ZNF385D: variants seen among roughly 807,000 people sequenced by gnomAD.
The protein encoded by ZNF385D is zinc finger protein 659.
A neutral mutation model predicts 35.8 loss-of-function variants in ZNF385D; 15 were observed. That is an observed-to-expected ratio of 0.42 (90% CI 0.28 to 0.64). The LOEUF (loss-of-function observed/expected upper bound fraction) is 0.64, where lower values mean the gene tolerates loss of function less well. Among genes scored for constraint, ZNF385D ranks in the 30% least tolerant of loss-of-function variants. The pLI is 0.23. For missense variants in ZNF385D, 474 were observed against 494.6 expected, an observed-to-expected ratio of 0.96 and a Z score of 0.39; for synonymous variants, 212 against 186.8, an observed-to-expected ratio of 1.13 and a Z score of -1.10.
At chr3:21,754,473 A>G (rs1474870791), upstream of ZNF385D, among the ~76,000 whole-genome samples, 1 of 152,154 alleles carries the variant, frequency 6.6e-6, no homozygotes, top group Middle Eastern at 3.2e-3. Flanking sequence ...ATGCCTTCAA[A>G]CCACTTACAT....
rs1224408266 is a variant in ZNF385D at position 21,908,152 on chromosome 3, AT to A, written c.326-243125del. Among the ~76,000 whole-genome samples, 509 of 150,328 alleles carry A rather than the reference AT, an allele frequency of 3.4e-3. 4 individuals are homozygous for A. Among genetic ancestry groups the A allele is most frequent in the African/African-American group, 8.8e-3 (353 of 40,342 alleles). On this transcript the variant is annotated intron_variant, in intron 3 of 5. Transcript: ENST00000494108. ...TATCTATCTATCTATCTATCTATCTATCTATCTATCTATCTATCTATATATG... is the reference window on the plus strand; with the variant it reads ...TATCTATCTATCTATCTATCTATCTACTATCTATCTATCTATCTATATATG...
chr3:22,329,382 G>C (rs905248196), intron 2 of ZNF385D, among the ~76,000 whole-genome samples: 15 of 152,118 alleles, frequency 9.9e-5, no homozygotes, highest in Non-Finnish European at 8.8e-5. Flanking sequence ...ATCTACATCA[G>C]TTCAAGTGTT....
At chr3:21,495,292 C>T (rs1705746028) in intron 4 of ZNF385D, among the ~76,000 whole-genome samples, 1 of 151,240 alleles carries the variant, frequency 6.6e-6, no homozygotes, top group African/African-American at 2.4e-5. Context: ...TGTTTTCTTT[C>T]TAGCTTTACC....
At chr3:21,630,788 T>C (rs546502859) in intron 2 of ZNF385D, among the ~76,000 whole-genome samples, 69 of 152,268 alleles carry the variant, frequency 4.5e-4, no homozygotes, top group Non-Finnish European at 9.0e-4. Context: ...CTAATATCTA[T>C]TGAGCACACA....
At chr3:22,168,358 T>C (rs1180310074) in intron 3 of ZNF385D, 1 of 152,204 alleles carries the variant, frequency 6.6e-6, no homozygotes, top group Non-Finnish European at 1.5e-5. Context: ...AACTCAAAAG[T>C]CTGTACTAAC....
chr3:22,215,927 T>C (rs993174641), intron 2 of ZNF385D, among the ~76,000 whole-genome samples: 3 of 152,044 alleles, frequency 2.0e-5, no homozygotes, highest in African/African-American at 4.8e-5. Flanking sequence ...TTAAGGAATA[T>C]AGAAAAGAAC....
intron 3 of ZNF385D, among the ~76,000 whole-genome samples, chr3:22,063,749 A>C (rs956666811): frequency 1.3e-5 from 2 of 151,900 alleles, no homozygotes; most frequent in Non-Finnish European, 2.9e-5. Context: ...CCAAAGTCAC[A>C]CCCTCTTCCC....
intron 2 of ZNF385D, among the ~76,000 whole-genome samples, chr3:22,194,248 A>G (rs899109380): frequency 2.0e-5 from 3 of 151,880 alleles, no homozygotes; most frequent in African/African-American, 7.2e-5. Flanking sequence ...TTAAAGTATT[A>G]ATTTTGTCAT....
At chr3:21,764,759 A>G (rs2070755703) in intron 3 of ZNF385D, among the ~76,000 whole-genome samples, 1 of 152,152 alleles carries the variant, frequency 6.6e-6, no homozygotes, top group African/African-American at 2.4e-5. Flanking sequence ...ACTGAATTCT[A>G]TGTCACACAC....
intron 3 of ZNF385D, among the ~76,000 whole-genome samples, chr3:21,930,666 C>G (rs1185637192): frequency 6.6e-6 from 1 of 152,076 alleles, no homozygotes; most frequent in Admixed American, 6.5e-5. Context: ...AGAAATTAAT[C>G]CTTACACATG....
chr3:21,824,392 A>G (rs1694464525), intron 3 of ZNF385D, among the ~76,000 whole-genome samples: 1 of 152,196 alleles, frequency 6.6e-6, no homozygotes, highest in Admixed American at 6.5e-5. Flanking sequence ...ATACCTATAA[A>G]ATCACTTCTA....
chr3:22,163,659 A>G (rs1706117665), intron 3 of ZNF385D, among the ~76,000 whole-genome samples: 1 of 152,176 alleles, frequency 6.6e-6, no homozygotes, highest in Non-Finnish European at 1.5e-5. Context: ...AATTAATCCC[A>G]TATGCATTAT....
chr3:21,636,506 C>T (rs2065455391), intron 2 of ZNF385D, among the ~76,000 whole-genome samples: 1 of 149,746 alleles, frequency 6.7e-6, no homozygotes, highest in African/African-American at 2.5e-5. Flanking sequence ...CAGTCCGAAT[C>T]CCAAAGCTGA....
At chr3:22,370,652 T>A (rs1421569493) in intron 2 of ZNF385D, among the ~76,000 whole-genome samples, 1 of 152,174 alleles carries the variant, frequency 6.6e-6, no homozygotes, top group East Asian at 1.9e-4. Flanking sequence ...AGTTCTGCAA[T>A]CTTGGATTAC....
chr3:22,251,536 C>A (rs1379905329), intron 2 of ZNF385D, among the ~76,000 whole-genome samples: 1 of 152,088 alleles, frequency 6.6e-6, no homozygotes, highest in Non-Finnish European at 1.5e-5. Context: ...CAGGATTTCT[C>A]AGCTTCAGCA....
chr3:21,645,017 A>G (rs1559485004), intron 2 of ZNF385D, among the ~76,000 whole-genome samples: 1 of 152,220 alleles, frequency 6.6e-6, no homozygotes, highest in Non-Finnish European at 1.5e-5. Flanking sequence ...TCCCATGTCT[A>G]CAAACAGGAA....
At chr3:21,953,112 A>T (rs1439913099) in intron 3 of ZNF385D, among the ~76,000 whole-genome samples, 2 of 151,946 alleles carry the variant, frequency 1.3e-5, no homozygotes, top group African/African-American at 4.8e-5. Flanking sequence ...CTACAGTATT[A>T]TCTTCTCTGC....
At chr3:21,806,649 G>A (rs1343901951) in intron 3 of ZNF385D, among the ~76,000 whole-genome samples, 2 of 152,116 alleles carry the variant, frequency 1.3e-5, no homozygotes, top group East Asian at 3.8e-4. Flanking sequence ...GGGAGATTTT[G>A]TTGCCAGTAC....
At chr3:21,815,358 G>A (rs1029462805) in intron 3 of ZNF385D, among the ~76,000 whole-genome samples, 1 of 152,110 alleles carries the variant, frequency 6.6e-6, no homozygotes, top group Admixed American at 6.5e-5. Flanking sequence ...AGGAGATAGA[G>A]ACACAAAATA....
Sources: allele counts gnomAD v4.1 joint callset (sites outside exome capture counted in the v4.1 genomes callset), GRCh38; gene constraint gnomAD v4.1.1; transcripts MANE v1.5; gene names NCBI Gene and HGNC (gene_info 2026-07-23, HGNC 2026-07-21).